Variants in PTPRD observed in about 807,000 individuals in gnomAD.
PTPRD encodes the protein protein tyrosine phosphatase receptor type D.
In PTPRD, 34 loss-of-function variants were observed where a neutral mutation model predicts 214.5. The observed-to-expected ratio is 0.16, with a 90% CI of 0.12 to 0.21. PTPRD has a LOEUF of 0.21. Among genes scored for constraint, PTPRD ranks in the 10% least tolerant of loss-of-function variants. PTPRD has a pLI of 1.00. For synonymous variants in PTPRD, 1,128 were observed against 845.7 expected (o/e 1.33, Z -5.79); for missense variants, 2,545 against 2,398.7 (o/e 1.06, Z -1.27).
At chr9:8,524,809 G>T in intron 18 of PTPRD, 116 bp downstream of exon 18, 2 of 850,716 alleles carry the variant, frequency 2.4e-6, no homozygotes, top group South Asian at 2.7e-5. Flanking sequence ...TTTCAGCTAC[G>T]GTCACTATTA....
At chr9:10,498,620 T>C (rs1420932236) in intron 2 of PTPRD, among the ~76,000 whole-genome samples, 1 of 151,880 alleles carries the variant, frequency 6.6e-6, no homozygotes, top group Non-Finnish European at 1.5e-5. Context: ...GTAATTTGAC[T>C]ATAATAGATA....
At chr9:8,626,940 C>G (rs1193242928) in intron 14 of PTPRD, among the ~76,000 whole-genome samples, 1 of 151,616 alleles carries the variant, frequency 6.6e-6, no homozygotes, top group Non-Finnish European at 1.5e-5. Flanking sequence ...TTCTCTTTCT[C>G]CAGAGAACCC....
chr9:9,360,411 A>C (rs951383251), intron 9 of PTPRD, among the ~76,000 whole-genome samples: 2 of 151,238 alleles, frequency 1.3e-5, no homozygotes, highest in Non-Finnish European at 3.0e-5. Context: ...CCATTTCCTA[A>C]GGGGATGTTT....
At chr9:9,419,351 T>C (rs551119903) in intron 8 of PTPRD, among the ~76,000 whole-genome samples, 1 of 151,860 alleles carries the variant, frequency 6.6e-6, no homozygotes, top group Admixed American at 6.6e-5. Context: ...GGTTTTAAAA[T>C]AGCTTATGAT....
intron 12 of PTPRD, among the ~76,000 whole-genome samples, chr9:8,733,301 G>A (rs1033033611): frequency 2.0e-5 from 3 of 151,952 alleles, no homozygotes; most frequent in South Asian, 2.1e-4. Flanking sequence ...GACAGCTGTC[G>A]GAAACAGTAC....
At chr9:8,778,330 T>C (rs1178233704) in intron 11 of PTPRD, among the ~76,000 whole-genome samples, 2 of 152,142 alleles carry the variant, frequency 1.3e-5, no homozygotes, top group Non-Finnish European at 2.9e-5. Context: ...GACACCAAAG[T>C]TCCTTTCTTC....
At chr9:10,386,802 TGTGA>T (rs747556861) in intron 2 of PTPRD, among the ~76,000 whole-genome samples, 4 of 151,956 alleles carry the variant, frequency 2.6e-5, no homozygotes, top group Admixed American at 2.0e-4. Context: ...CCCTAGAAGC[TGTGA>T]GTATGTTATA....
intron 2 of PTPRD, among the ~76,000 whole-genome samples, chr9:10,485,875 C>T (rs1362648646): frequency 6.6e-6 from 1 of 152,036 alleles, no homozygotes; most frequent in Non-Finnish European, 1.5e-5. Flanking sequence ...CAGGCAGTTT[C>T]TCATAGTAGA....
At chr9:10,607,879 A>G (rs2079882034) in intron 2 of PTPRD, among the ~76,000 whole-genome samples, 1 of 151,974 alleles carries the variant, frequency 6.6e-6, no homozygotes, top group South Asian at 2.1e-4. Flanking sequence ...ATCCTACAAG[A>G]TCAATGAAAC....
At position 10,243,897 on chromosome 9, in the gene PTPRD, T is replaced by A. The variant is rs191179866; in HGVS notation, c.-545+97066A>T. Among the ~76,000 whole-genome samples, 3 of 152,026 alleles carry A rather than the reference T, an allele frequency of 2.0e-5. No individual in the cohort carries two copies. The East Asian group carries it at 5.8e-4, about 30-fold the overall frequency. On this transcript the variant is annotated intron_variant, in intron 3 of 45. Transcript: ENST00000381196. ...ATTTTTTTTTCTGTCCAGAATCAGG[T>A]CCCTGCACCGAACTGCTAGATTTAC... is the stretch of plus-strand genomic sequence containing the variant.
chr9:8,565,479 C>T (rs2088626452), intron 14 of PTPRD, among the ~76,000 whole-genome samples: 1 of 152,160 alleles, frequency 6.6e-6, no homozygotes, highest in South Asian at 2.1e-4. Flanking sequence ...AATTCCTATG[C>T]ATGAGTAGTG....
At chr9:8,754,443 G>A (rs1204033961) in intron 11 of PTPRD, among the ~76,000 whole-genome samples, 3 of 152,122 alleles carry the variant, frequency 2.0e-5, no homozygotes, top group Non-Finnish European at 4.4e-5. Context: ...TCTAGAAACA[G>A]ACCCACCCAT....
At chr9:9,330,076 C>T (rs912016532) in intron 9 of PTPRD, among the ~76,000 whole-genome samples, 3 of 152,188 alleles carry the variant, frequency 2.0e-5, no homozygotes, top group Non-Finnish European at 4.4e-5. Context: ...AAACATAATG[C>T]CCTTTAGCCA....
chr9:9,935,713 T>C (rs1229978795), intron 5 of PTPRD, among the ~76,000 whole-genome samples: 1 of 141,842 alleles, frequency 7.1e-6, no homozygotes, highest in Non-Finnish European at 1.5e-5. Context: ...CTTCACAGAA[T>C]TGGAAAAAAC....
intron 11 of PTPRD, among the ~76,000 whole-genome samples, chr9:8,916,295 TA>T (rs1395702703): frequency 2.0e-5 from 3 of 152,092 alleles, no homozygotes; most frequent in Non-Finnish European, 2.9e-5. Context: ...AGAGAAGTCC[TA>T]AAATTAATCA....
At chr9:8,439,774 T>C (rs979404298) in intron 34 of PTPRD, among the ~76,000 whole-genome samples, 1 of 152,090 alleles carries the variant, frequency 6.6e-6, no homozygotes, top group African/African-American at 2.4e-5. Flanking sequence ...ACAAATATGT[T>C]AGATTTTGAA....
At chr9:9,655,954 G>C (rs529934142) in intron 7 of PTPRD, among the ~76,000 whole-genome samples, 29 of 152,096 alleles carry the variant, frequency 1.9e-4, no homozygotes, top group Middle Eastern at 6.8e-3. Flanking sequence ...CTCCAGCGGG[G>C]GCAACACAGT....
chr9:9,572,548 G>A (rs1487807151), intron 8 of PTPRD, among the ~76,000 whole-genome samples: 1 of 129,206 alleles, frequency 7.7e-6, no homozygotes, highest in African/African-American at 2.9e-5. Flanking sequence ...TATATACAAT[G>A]GCATATATAT....
chr9:9,081,703 G>A (rs2099759270), intron 10 of PTPRD, among the ~76,000 whole-genome samples: 1 of 151,968 alleles, frequency 6.6e-6, no homozygotes, highest in Non-Finnish European at 1.5e-5. Context: ...TATATATTTA[G>A]GAGAGTTAGC....
Sources: allele counts gnomAD v4.1 joint callset (sites outside exome capture counted in the v4.1 genomes callset), GRCh38; gene constraint gnomAD v4.1.1; transcripts MANE v1.5; gene names NCBI Gene and HGNC (gene_info 2026-07-23, HGNC 2026-07-21).